Variants in LRRTM4 observed in about 807,000 individuals in gnomAD.
LRRTM4 encodes leucine-rich repeat transmembrane neuronal protein 4.
LRRTM4 carries 25 observed loss-of-function variants against 47.6 expected under a neutral mutation model. That is an observed-to-expected ratio of 0.53 (90% CI 0.38 to 0.73). The LOEUF (loss-of-function observed/expected upper bound fraction) is 0.73, where lower values mean the gene tolerates loss of function less well. Among genes scored for constraint, LRRTM4 ranks in the 30% least tolerant of loss-of-function variants. LRRTM4 has a pLI of 0.00. For synonymous variants in LRRTM4, 311 were observed against 269.5 expected (o/e 1.15, Z -1.51); for missense variants, 638 against 713.4 (o/e 0.89, Z 1.20).
intron 3 of LRRTM4, among the ~76,000 whole-genome samples, chr2:76,854,251 A>G (rs895576729): frequency 6.6e-6 from 1 of 152,186 alleles, no homozygotes; most frequent in Non-Finnish European, 1.5e-5. Context: ...TATGATAAGT[A>G]TGGGCAAATG....
intron 3 of LRRTM4, among the ~76,000 whole-genome samples, chr2:77,333,395 T>C (rs922959919): frequency 1.3e-5 from 2 of 152,138 alleles, no homozygotes; most frequent in African/African-American, 4.8e-5. Flanking sequence ...TTGACCAAAA[T>C]GCTGATAATG....
At chr2:76,936,765 G>A (rs1172221290) in intron 3 of LRRTM4, among the ~76,000 whole-genome samples, 1 of 149,842 alleles carries the variant, frequency 6.7e-6, no homozygotes, top group Non-Finnish European at 1.5e-5. Flanking sequence ...GACCAGTCTG[G>A]CCAAATGGTG....
At chr2:76,804,823 A>G (rs1222732377) in intron 3 of LRRTM4, among the ~76,000 whole-genome samples, 1 of 150,982 alleles carries the variant, frequency 6.6e-6, no homozygotes, top group Non-Finnish European at 1.5e-5. Context: ...TAAACAGACA[A>G]GCACTTCTCA....
chr2:77,483,326 A>G (rs1363425651), intron 3 of LRRTM4, among the ~76,000 whole-genome samples: 6 of 152,042 alleles, frequency 3.9e-5, no homozygotes, highest in Non-Finnish European at 8.8e-5. Context: ...ACAAGGTGAC[A>G]AAGTCCTGAG....
chr2:76,941,865 C>T (rs1288045748), intron 3 of LRRTM4, among the ~76,000 whole-genome samples: 1 of 152,168 alleles, frequency 6.6e-6, no homozygotes, highest in Non-Finnish European at 1.5e-5. Flanking sequence ...ATTTCTGTTT[C>T]TAGATCCTTG....
chr2:77,088,698 A>G (rs1055375723), intron 3 of LRRTM4, among the ~76,000 whole-genome samples: 12 of 152,148 alleles, frequency 7.9e-5, no homozygotes, highest in Admixed American at 1.3e-4. Flanking sequence ...GACTTGGATC[A>G]GGGGACTTCC....
At chr2:77,218,256 C>T (rs1221275053) in intron 3 of LRRTM4, among the ~76,000 whole-genome samples, 1 of 152,144 alleles carries the variant, frequency 6.6e-6, no homozygotes, top group Non-Finnish European at 1.5e-5. Context: ...TGCCTCCCAA[C>T]ATGCTGGGAC....
At chr2:77,093,667 T>C (rs1027867547) in intron 3 of LRRTM4, among the ~76,000 whole-genome samples, 2 of 151,950 alleles carry the variant, frequency 1.3e-5, no homozygotes, top group African/African-American at 4.9e-5. Flanking sequence ...AAGACAGGAA[T>C]GTCAGGCCTC....
chr2:76,928,265 C>A (rs1674653590), intron 3 of LRRTM4, among the ~76,000 whole-genome samples: 1 of 152,114 alleles, frequency 6.6e-6, no homozygotes, highest in Non-Finnish European at 1.5e-5. Flanking sequence ...AATTGGAGTT[C>A]TCTATTTTGA....
Position 77,461,654 on chromosome 2 carries a change from G to A in LRRTM4, c.1551+56664C>T, listed in dbSNP as rs117300353. On this transcript the variant is annotated intron_variant, in intron 3 of 3. Transcript: ENST00000409884. ...TTTTTTCAGAAAGAAGCAATTACAC[G>A]CATGCTCCTCTTTTGCTGTGAACTT... is the stretch of plus-strand genomic sequence containing the variant. Among the ~76,000 whole-genome samples, 97 of 152,016 alleles carry A rather than the reference G, an allele frequency of 6.4e-4. No homozygotes were observed. In the East Asian group the frequency reaches 0.013, roughly 21 times the overall value.
chr2:77,054,140 A>AGTT (rs902814823), intron 3 of LRRTM4, among the ~76,000 whole-genome samples: 19 of 150,214 alleles, frequency 1.3e-4, no homozygotes, highest in African/African-American at 4.5e-4. Flanking sequence ...AATCTCAAGG[A>AGTT]GTTGTTCTGA....
chr2:77,225,825 CAT>C (rs1341281448), intron 3 of LRRTM4, among the ~76,000 whole-genome samples: 1 of 151,784 alleles, frequency 6.6e-6, no homozygotes, highest in Admixed American at 6.6e-5. Flanking sequence ...TTTACTTTTA[CAT>C]AAAGTAGCAC....
chr2:76,845,216 T>C (rs977889908), intron 3 of LRRTM4, among the ~76,000 whole-genome samples: 5 of 152,062 alleles, frequency 3.3e-5, no homozygotes, highest in South Asian at 2.1e-4. Context: ...TGTGGCCTCG[T>C]GCGGTGGCTC....
At chr2:77,179,894 C>A (rs1390960272) in intron 3 of LRRTM4, among the ~76,000 whole-genome samples, 1 of 151,902 alleles carries the variant, frequency 6.6e-6, no homozygotes, top group Non-Finnish European at 1.5e-5. Flanking sequence ...CACCAAGAAA[C>A]AACATAGTTA....
At chr2:77,159,174 A>C (rs1672640037) in intron 3 of LRRTM4, among the ~76,000 whole-genome samples, 1 of 145,356 alleles carries the variant, frequency 6.9e-6, no homozygotes, top group Admixed American at 7.0e-5. Flanking sequence ...CAGGTGATTT[A>C]GCGGTGCTAA....
At chr2:76,943,742 C>T (rs989121706) in intron 3 of LRRTM4, among the ~76,000 whole-genome samples, 20 of 151,522 alleles carry the variant, frequency 1.3e-4, no homozygotes, top group African/African-American at 4.8e-4. Context: ...CTCAAATCTA[C>T]TTCTCCTCTA....
At chr2:77,464,518 T>A (rs1013207988) in intron 3 of LRRTM4, among the ~76,000 whole-genome samples, 10 of 151,460 alleles carry the variant, frequency 6.6e-5, no homozygotes, top group Middle Eastern at 3.4e-3. Context: ...TCCTTTTTTT[T>A]CAAACTAAGT....
At chr2:77,152,379 A>G (rs1334706991) in intron 3 of LRRTM4, among the ~76,000 whole-genome samples, 1 of 151,824 alleles carries the variant, frequency 6.6e-6, no homozygotes, top group East Asian at 1.9e-4. Context: ...CCCAGGCTGT[A>G]GTGTCATGGC....
chr2:77,008,493 T>C (rs1677745931), intron 3 of LRRTM4, among the ~76,000 whole-genome samples: 1 of 152,214 alleles, frequency 6.6e-6, no homozygotes, highest in South Asian at 2.1e-4. Flanking sequence ...GATATGATAT[T>C]GATCAAGCTT....
Sources: gnomAD v4.1 joint callset for allele counts (sites outside exome capture counted in the v4.1 genomes callset) on GRCh38, gnomAD v4.1.1 for gene constraint, MANE v1.5 for transcripts, NCBI Gene and HGNC (gene_info 2026-07-23, HGNC 2026-07-21) for gene names.